The following PRAMEF20 variants were observed in gnomAD, a reference collection of about 807,000 sequenced individuals.
PRAMEF20 encodes the protein PRAME family member 20/21.
A neutral mutation model predicts 32.4 loss-of-function variants in PRAMEF20; 27 were observed. The observed-to-expected ratio is 0.83, with a 90% CI of 0.61 to 1.15. The LOEUF is 1.15. Ranked by LOEUF, PRAMEF20 falls within the 50% of genes most tolerant of loss-of-function variation. The pLI, the probability that PRAMEF20 is intolerant of heterozygous loss-of-function variation, is 0.00. For synonymous variants in PRAMEF20, 256 were observed against 235.4 expected, an observed-to-expected ratio of 1.09 and a Z score of -0.80; for missense variants, 604 against 584.5, an observed-to-expected ratio of 1.03 and a Z score of -0.34.
At chr1:13,414,385 G>T (rs1019667737), upstream of PRAMEF20, among the ~76,000 whole-genome samples, 2 of 151,994 alleles carry the variant, frequency 1.3e-5, no homozygotes, top group African/African-American at 2.4e-5. Context: ...TACATATTTT[G>T]TGATTTTGTG....
At chr1:13,410,780 A>C in the PRAMEF20 span, among the ~76,000 whole-genome samples, 41 of 151,972 alleles carry the variant, frequency 2.7e-4, no homozygotes, top group African/African-American at 9.2e-4. Context: ...ACACTCTCGG[A>C]GGTCAATGTG....
upstream of PRAMEF20, among the ~76,000 whole-genome samples, chr1:13,412,424 A>G (rs1441826122): frequency 6.6e-5 from 10 of 152,136 alleles, no homozygotes; most frequent in Admixed American, 5.2e-4. Context: ...CCCTCCCCTC[A>G]AGGATAATGT....
chr1:13,414,735 G>C (rs1641147989), upstream of PRAMEF20, among the ~76,000 whole-genome samples: 2 of 151,802 alleles, frequency 1.3e-5, no homozygotes. Flanking sequence ...AAAGTGCTGG[G>C]ATAACAGGTG....
At chr1:13,419,787 G>C (rs1260020365) in intron 2 of PRAMEF20, among the ~76,000 whole-genome samples, 1 of 152,136 alleles carries the variant, frequency 6.6e-6, no homozygotes, top group Non-Finnish European at 1.5e-5. Context: ...CTGAAGAGGG[G>C]AATGCTCAGC....
At chr1:13,420,881 C>T (rs2100439789) in exon 3 of PRAMEF20, 1 of 1,613,928 alleles carries the variant, frequency 6.2e-7, no homozygotes, top group Middle Eastern at 1.7e-4. Flanking sequence ...TGCAGCCACC[C>T]TTGAGTACCT....
chr1:13,417,226 T>G (rs1394982307), intron 1 of PRAMEF20, among the ~76,000 whole-genome samples: 5 of 152,240 alleles, frequency 3.3e-5, no homozygotes, highest in African/African-American at 1.2e-4. Context: ...TATGGTCCCC[T>G]CCCATGTTCC....
chr1:13,421,195 C>T, exon 3 of PRAMEF20: 2 of 1,612,960 alleles, frequency 1.2e-6, no homozygotes, highest in South Asian at 2.2e-5. Flanking sequence ...TCTGTACCGA[C>T]TACTGCCCTC....
chr1:13,414,820 G>C (rs1311638171), upstream of PRAMEF20, among the ~76,000 whole-genome samples: 1 of 151,602 alleles, frequency 6.6e-6, no homozygotes, highest in African/African-American at 2.4e-5. Flanking sequence ...GAGAGAGAGA[G>C]ACATAGTCTC....
At chr1:13,419,449 C>A in intron 2 of PRAMEF20, among the ~76,000 whole-genome samples, 1 of 151,792 alleles carries the variant, frequency 6.6e-6, no homozygotes, top group African/African-American at 2.4e-5. Context: ...ACACCCGACC[C>A]AAAAACAAGA....
chr1:13,416,417 G>A (rs200622706), exon 1 of PRAMEF20: 1 of 1,613,908 alleles, frequency 6.2e-7, no homozygotes. Context: ...TGAGGGACGA[G>A]GCCTTGGCCA....
upstream of PRAMEF20, chr1:13,416,322 T>A (rs1332032848): frequency 6.2e-6 from 10 of 1,612,112 alleles, no homozygotes; most frequent in Non-Finnish European, 7.6e-6. Context: ...TCTGGATTTG[T>A]CCTCTGGAAC....
exon 1 of PRAMEF20, chr1:13,416,541 C>T (rs577731266): frequency 2.3e-5 from 37 of 1,614,166 alleles, no homozygotes; most frequent in Admixed American, 2.0e-4. Flanking sequence ...GCCTTTCCTC[C>T]GCCTTCCTCT....
intron 1 of PRAMEF20, among the ~76,000 whole-genome samples, 164 bp from the exon 3 acceptor site, chr1:13,417,958 T>C (rs1176401924): frequency 6.2e-5 from 5 of 80,294 alleles, no homozygotes; most frequent in African/African-American, 1.9e-4. Context: ...GTGTGTTTAG[T>C]AGAGACGGGG....
Position 13,418,690 on chromosome 1 carries a change from C to T in PRAMEF20, c.856C>T (p.Gln286Ter). ...TTCTTTCCTCGAAGGCCACCTGGAC[C>T]AGATGCTCAGGTGAGGAAGGGTAGT... Residue 286 changes from glutamine (Q) to a stop codon, truncating the protein, a stop_gained, in exon 2 of 3, where the codon CAG becomes TAG. Transcript: ENST00000602960. LOFTEE classifies it high-confidence loss of function. 6.2e-7 allele frequency: 1 copy of T among 1,613,646 alleles called. No individual in the cohort carries two copies. The highest frequency in any genetic ancestry group is 1.1e-5 in the South Asian group (1 of 91,070).
At chr1:13,410,604 CAG>C in the PRAMEF20 span, 1 of 149,216 alleles carries the variant, frequency 6.7e-6, no homozygotes, top group Non-Finnish European at 1.5e-5. Context: ...AGTGCAGGCA[CAG>C]AGTTATATCC....
At chr1:13,420,672 C>G (rs1175939195) in intron 2 of PRAMEF20, 25 bp from the exon 4 acceptor site, 2 of 1,613,834 alleles carry the variant, frequency 1.2e-6, no homozygotes, top group Admixed American at 1.7e-5. Flanking sequence ...TTCCCCAGAA[C>G]TAACTTCCTG....
chr1:13,411,327 G>A, the PRAMEF20 span, among the ~76,000 whole-genome samples: 2 of 152,000 alleles, frequency 1.3e-5, no homozygotes, highest in Non-Finnish European at 2.9e-5. Context: ...GTGAGACTCT[G>A]GCCCCCTCCC....
exon 2 of PRAMEF20, chr1:13,418,124 G>A: frequency 6.2e-7 from 1 of 1,612,110 alleles, no homozygotes; most frequent in Middle Eastern, 2.1e-4. Context: ...TTCCTCAGGA[G>A]GTGGAAACTT....
At chr1:13,412,920 C>T (rs917183008), upstream of PRAMEF20, among the ~76,000 whole-genome samples, 19 of 151,650 alleles carry the variant, frequency 1.3e-4, no homozygotes, top group Non-Finnish European at 2.2e-4. Flanking sequence ...TGAGACTCAG[C>T]CCCCCACCCT....
Sources: gnomAD v4.1 joint callset for allele counts (sites outside exome capture counted in the v4.1 genomes callset) on GRCh38, gnomAD v4.1.1 for gene constraint, MANE v1.5 for transcripts, NCBI Gene and HGNC (gene_info 2026-07-23, HGNC 2026-07-21) for gene names.